The following PLEKHA7 variants were observed in gnomAD, a reference collection of about 807,000 sequenced individuals.
PLEKHA7 encodes the protein pleckstrin homology domain containing A7.
Under a neutral mutation model 170.0 loss-of-function variants are expected in PLEKHA7, and 104 were observed. The observed-to-expected ratio is 0.61, with a 90% CI of 0.52 to 0.72. The LOEUF (loss-of-function observed/expected upper bound fraction) is 0.72. PLEKHA7 is among the 30% of genes least tolerant of loss of function. The probability of loss-of-function intolerance (pLI) is 0.00; values close to 1 mark genes in which losing one functional copy is unlikely to be tolerated. For synonymous variants in PLEKHA7, 648 were observed against 660.8 expected, an observed-to-expected ratio of 0.98 and a Z score of 0.30; for missense variants, 1,615 against 1,671.7, an observed-to-expected ratio of 0.97 and a Z score of 0.59.
intron 2 of PLEKHA7, 38 bp downstream of exon 2, chr11:17,014,087 C>T (rs957587283): frequency 4.4e-6 from 7 of 1,583,286 alleles, no homozygotes; most frequent in South Asian, 3.4e-5. Context: ...CTTGGGCCGC[C>T]GCTGCGCGCG....
intron 3 of PLEKHA7, among the ~76,000 whole-genome samples, chr11:16,879,919 C>T (rs1335812602): frequency 6.6e-6 from 1 of 152,184 alleles, no homozygotes; most frequent in African/African-American, 2.4e-5. Context: ...TGTCTGGCCC[C>T]TGAGTTCCCA....
At position 17,006,438 on chromosome 11, in the gene PLEKHA7, C is replaced by T. The variant is rs1407950376; in HGVS notation, c.221+7551G>A. Among the ~76,000 whole-genome samples the T allele has an allele frequency of 3.3e-5, 5 of 150,500 alleles. No individual in the cohort carries two copies. In the South Asian group the frequency reaches 6.4e-4, roughly 19 times the overall value. ...GGTTAGGAGTTCAAGGCCAGCTTGG[C>T]TAACATGGTGAAACCCCATCTGTAC... On this transcript the variant is annotated intron_variant, in intron 3 of 26. Transcript: ENST00000531066.
At position 16,856,695 on chromosome 11, in the gene PLEKHA7, G is replaced by A. The variant is rs144770514; in HGVS notation, c.306-781C>T. Among the ~76,000 whole-genome samples the A allele has an allele frequency of 3.9e-5, 6 of 152,290 alleles. No homozygotes were observed. In the East Asian group the frequency reaches 1.2e-3, roughly 29 times the overall value. ...AGCCACTGAAGAGTCCTTCTCACCT[G>A]CTTCCACAGATCCCCAGCATTTGCC... On this transcript the variant is annotated intron_variant, in intron 4 of 26. Transcript: ENST00000531066.
chr11:16,786,388 C>T lies in PLEKHA7; in HGVS notation c.3358-1G>A, dbSNP rs1297886961. ...GGTCAAAGTCCTGCTCACGCTTCCACTGGCAACAGAACAAGAGGTTAAACG... is the reference window on the plus strand; with the variant it reads ...GGTCAAAGTCCTGCTCACGCTTCCATTGGCAACAGAACAAGAGGTTAAACG... On this transcript the variant is annotated splice_acceptor_variant, in intron 23 of 26. Coordinates refer to ENST00000531066, the MANE Select transcript of PLEKHA7 (RefSeq NM_001329630.2). LOFTEE classifies it high-confidence loss of function. 1 of 1,536,178 alleles carries T rather than the reference C, an allele frequency of 6.5e-7. No homozygotes were observed. Among genetic ancestry groups the T allele is most frequent in the Admixed American group, 2.0e-5 (1 of 51,008 alleles).
At chr11:16,780,274 C>T (rs1848926108) in intron 26 of PLEKHA7, among the ~76,000 whole-genome samples, 1 of 152,248 alleles carries the variant, frequency 6.6e-6, no homozygotes. Context: ...GGGCTCCCTC[C>T]TCATCCCACA....
chr11:16,940,553 G>A (rs543139388), intron 3 of PLEKHA7, among the ~76,000 whole-genome samples: 1 of 152,098 alleles, frequency 6.6e-6, no homozygotes, highest in Non-Finnish European at 1.5e-5. Context: ...CTCCTAAAGT[G>A]CTGGGATTAC....
intron 3 of PLEKHA7, among the ~76,000 whole-genome samples, chr11:16,993,323 G>C (rs1438283042): frequency 6.6e-6 from 1 of 152,102 alleles, no homozygotes; most frequent in African/African-American, 2.4e-5. Flanking sequence ...GCTGGGTCGG[G>C]GCGGGCAGAG....
In PLEKHA7 at chr11:16,789,302, G is replaced by C. The variant is rs1381584702; in HGVS notation, c.3157-6C>G. The C allele has an allele frequency of 6.2e-7, 1 of 1,612,660 alleles. No individual in the cohort carries two copies. ...TCCAAGGCACTCTTAGGTCTCTGAG[G>C]AAGAGGAGGCAGGCAAGAGAGACAC... On this transcript the variant is annotated splice_polypyrimidine_tract_variant and splice_region_variant and intron_variant, in intron 22 of 26. Transcript: ENST00000531066. This position sits in a 1 kb window ranked among gnomAD's most constrained non-coding sequence, Gnocchi z 4.6.
intron 3 of PLEKHA7, among the ~76,000 whole-genome samples, chr11:17,006,986 A>G (rs1272753102): frequency 6.6e-6 from 1 of 152,238 alleles, no homozygotes; most frequent in East Asian, 1.9e-4. Flanking sequence ...GATACTTGGC[A>G]TTATCTCCAG....
chr11:16,908,163 G>C (rs1365087103), intron 3 of PLEKHA7, among the ~76,000 whole-genome samples: 1 of 149,700 alleles, frequency 6.7e-6, no homozygotes, highest in Admixed American at 6.7e-5. Context: ...GAAAACCAGA[G>C]ACCTTTGTTC....
At chr11:16,885,443 G>A (rs747252011) in intron 3 of PLEKHA7, among the ~76,000 whole-genome samples, 1 of 151,948 alleles carries the variant, frequency 6.6e-6, no homozygotes, top group Non-Finnish European at 1.5e-5. Context: ...CGGATCACTT[G>A]AGGTCAGGAA....
intron 3 of PLEKHA7, among the ~76,000 whole-genome samples, chr11:16,911,311 C>A (rs1156905122): frequency 6.6e-6 from 1 of 152,112 alleles, no homozygotes; most frequent in Non-Finnish European, 1.5e-5. Context: ...GCTGACAGGG[C>A]CAGGGAGCAG....
intron 3 of PLEKHA7, among the ~76,000 whole-genome samples, chr11:16,990,287 A>AAACC (rs559675381): frequency 9.9e-5 from 11 of 111,248 alleles, no homozygotes; most frequent in African/African-American, 2.9e-4. Flanking sequence ...AAAAAAAAAA[A>AAACC]AAAAAAAAAA....
intron 10 of PLEKHA7, among the ~76,000 whole-genome samples, chr11:16,824,568 T>C (rs973064200): frequency 1.5e-4 from 23 of 152,324 alleles, no homozygotes; most frequent in African/African-American, 5.5e-4. Flanking sequence ...GTTTCCTTCA[T>C]CCCGCATTCG....
rs770435789 is a variant in PLEKHA7, at chr11:16,817,408, C to G, written c.1344-86G>C. 5 of 1,375,928 alleles carry G rather than the reference C, an allele frequency of 3.6e-6. No individual in the cohort carries two copies. The highest frequency in any genetic ancestry group is 4.9e-6 in the Non-Finnish European group (5 of 1,018,282). The allele number at this position is 1,375,928 out of a possible 1,614,324, so 85.2% of individuals were successfully genotyped here. On this transcript the variant is annotated intron_variant, in intron 10 of 26. Transcript: ENST00000531066. The surrounding 1 kb of genome is among the most constrained non-coding windows in gnomAD (Gnocchi z 4.4). ...AACATATCTAAGTAAACCCACAAAG[C>G]TGGGCATGTGGGACAGTCCTGTAAG...
At position 16,922,511 on chromosome 11, in the gene PLEKHA7, G is replaced by A. The variant is rs148067696; in HGVS notation, c.222-51329C>T. 2.0e-5 allele frequency among the ~76,000 whole-genome samples: 3 copies of A among 152,226 alleles called. No individual in the cohort carries two copies. The East Asian group carries it at 5.8e-4, about 29-fold the overall frequency. On this transcript the variant is annotated intron_variant, in intron 3 of 26. Coordinates refer to ENST00000531066, the MANE Select transcript of PLEKHA7 (RefSeq NM_001329630.2). ...CTCATTCTCTCTCCCCTCATTCCTG[G>A]GTACTCACAGGGTATAGGCCTGGAA...
Position 17,014,118 on chromosome 11 carries a change from C to A in PLEKHA7, c.163+7G>T. On this transcript the variant is annotated splice_region_variant and intron_variant, in intron 2 of 26. Coordinates refer to ENST00000531066, the MANE Select transcript of PLEKHA7 (RefSeq NM_001329630.2). ...GCGCGCCCCCCACCCGCCGGCCCGG[C>A]GCCCACCTGAGCGGATCATGTGGCC... is the stretch of plus-strand genomic sequence containing the variant. 1 of 1,599,072 alleles carries A rather than the reference C, an allele frequency of 6.3e-7. No homozygotes were observed. Among genetic ancestry groups the A allele is most frequent in the Non-Finnish European group, 8.5e-7 (1 of 1,174,224 alleles).
chr11:16,867,677 A>G (rs1363296505), intron 4 of PLEKHA7, among the ~76,000 whole-genome samples: 1 of 152,126 alleles, frequency 6.6e-6, no homozygotes, highest in East Asian at 1.9e-4. Context: ...TTTAGGAGGA[A>G]GCAATTTAGG....
intron 19 of PLEKHA7, among the ~76,000 whole-genome samples, chr11:16,792,695 CT>C (rs1847945720): frequency 6.6e-6 from 1 of 152,090 alleles, no homozygotes; most frequent in Non-Finnish European, 1.5e-5. Flanking sequence ...CAGGTGGTCT[CT>C]TTATTGTTAT....
Sources: allele counts gnomAD v4.1 joint callset (sites outside exome capture counted in the v4.1 genomes callset), GRCh38; gene constraint gnomAD v4.1.1; non-coding constraint Gnocchi (gnomAD v3.1); transcripts MANE v1.5; gene names NCBI Gene and HGNC (gene_info 2026-07-23, HGNC 2026-07-21).